COL27A1: variants seen among roughly 807,000 people sequenced by gnomAD.
The protein encoded by COL27A1 is collagen type XXVII alpha 1 chain, also known as collagen alpha-1(XXVII) chain.
Under a neutral mutation model 251.3 loss-of-function variants are expected in COL27A1, and 106 were observed. The ratio of observed to expected loss-of-function variants is 0.42; its 90% confidence interval spans 0.36 to 0.50. The LOEUF (loss-of-function observed/expected upper bound fraction) is 0.50. Ranked by LOEUF, COL27A1 falls within the 20% of genes least tolerant of loss-of-function variation. COL27A1 has a pLI of 0.00. For synonymous variants in COL27A1, 1,000 were observed against 986.3 expected (o/e 1.01, Z -0.26); for missense variants, 2,325 against 2,522.8 (o/e 0.92, Z 1.68).
At chr9:114,219,440 CAG>C (rs1830931741) in intron 12 of COL27A1, among the ~76,000 whole-genome samples, 1 of 152,188 alleles carries the variant, frequency 6.6e-6, no homozygotes, top group Admixed American at 6.5e-5. Flanking sequence ...AGTGGGGAAA[CAG>C]AGGCTCTTAA....
rs10759688 is a variant in COL27A1 at position 114,183,174 on chromosome 9, A to C, written c.2016+99A>C. 0.86 allele frequency: 975,586 copies of C among 1,140,824 alleles called. 418,798 individuals carry two copies. The highest frequency in any genetic ancestry group is 0.97 in the East Asian group (41,115 of 42,332). 70.7% of individuals were successfully genotyped at this position (1,140,824 alleles called of 1,614,324 possible). ...GTGCCTGGTGGGAGGGCTTCAGGGG[A>C]ACTGAGGGGGATTCCCGCCTAAGCC... On this transcript the variant is annotated intron_variant, in intron 5 of 60. Coordinates refer to ENST00000356083, the MANE Select transcript of COL27A1 (RefSeq NM_032888.4).
chr9:114,259,823 T>A (rs1356633338), intron 28 of COL27A1, among the ~76,000 whole-genome samples: 1 of 152,188 alleles, frequency 6.6e-6, no homozygotes, highest in African/African-American at 2.4e-5. Context: ...AGGCCTGATA[T>A]CCAAGCTCCA....
intron 6 of COL27A1, 66 bp downstream of exon 6, chr9:114,194,523 T>A: frequency 2.1e-6 from 3 of 1,397,166 alleles, no homozygotes; most frequent in Non-Finnish European, 3.0e-6. Flanking sequence ...TTGCCACACT[T>A]TAAAGCTAGC....
At chr9:114,242,122 G>C (rs1410804307) in intron 21 of COL27A1, 65 bp from the exon 22 acceptor site, 1 of 1,414,842 alleles carries the variant, frequency 7.1e-7, no homozygotes, top group Non-Finnish European at 9.6e-7. Context: ...TACAGGACAA[G>C]ATCTCTGCAA....
At position 114,167,939 on chromosome 9, in the gene COL27A1, G is replaced by C. The variant is rs1269334177; in HGVS notation, c.384G>C (p.Leu128=). 2 of 1,610,208 alleles carry C rather than the reference G, an allele frequency of 1.2e-6. No individual in the cohort carries two copies. The highest frequency in any genetic ancestry group is 1.7e-6 in the Non-Finnish European group (2 of 1,179,880). The change falls in exon 3 of 61, where the codon CTG becomes CTC. Residue 128 remains leucine (L), a synonymous_variant. Coordinates refer to ENST00000356083, the MANE Select transcript of COL27A1 (RefSeq NM_032888.4). The part of the protein sequence containing the change: ...RSQKRKLQLG[L]QFLPGKTVVH... ...AGAAACGCAAGCTGCAGCTGGGCCT[G>C]CAGTTCCTCCCCGGCAAGACGGTCG... is the stretch of plus-strand genomic sequence containing the variant.
At chr9:114,269,116 A>G in intron 34 of COL27A1, 125 bp from the exon 35 acceptor site, 1 of 558,122 alleles carries the variant, frequency 1.8e-6, no homozygotes, top group Non-Finnish European at 3.2e-6. Flanking sequence ...GGTCCCTGGG[A>G]AGAAGGACCT....
intron 34 of COL27A1, 88 bp from the exon 35 acceptor site, chr9:114,269,153 A>C: frequency 1.2e-6 from 1 of 866,606 alleles, no homozygotes; most frequent in South Asian, 2.0e-5. Flanking sequence ...CCACACCCCA[A>C]AGTCAGAGCT....
chr9:114,185,682 C>A (rs937566850), intron 5 of COL27A1, among the ~76,000 whole-genome samples: 1 of 152,244 alleles, frequency 6.6e-6, no homozygotes, highest in African/African-American at 2.4e-5. Context: ...TATGCTGTCC[C>A]GTCCTCTTCC....
rs1305878930 is a variant in COL27A1 at position 114,275,845 on chromosome 9, G to A, written c.3717+77G>A. ...CTCATGCCTGTGCAGGCGGCTGGGC[G>A]GGAGGGCTTTTGGTCGTGCCACTGA... On this transcript the variant is annotated intron_variant, in intron 37 of 60. Transcript: ENST00000356083. 4.1e-5 allele frequency: 40 copies of A among 972,872 alleles called. 1 individual carries two copies. Among genetic ancestry groups the A allele is most frequent in the Middle Eastern group, 2.5e-4 (1 of 4,018 alleles). 60.3% of individuals were successfully genotyped at this position (972,872 alleles called of 1,614,324 possible).
In COL27A1 at chr9:114,301,537, T is replaced by C. The variant is rs1029884592; in HGVS notation, c.4809+75T>C. The C allele has an allele frequency of 8.3e-6, 13 of 1,561,956 alleles. No homozygotes were observed. The African/African-American group carries it at 1.8e-4, about 21-fold the overall frequency. ...CCTGCATTCTCCTCCCGGTGGTACA[T>C]TCTCTCCCTCCGGACCTCCGTCATC... is the stretch of plus-strand genomic sequence containing the variant. On this transcript the variant is annotated intron_variant, in intron 54 of 60. Transcript: ENST00000356083.
intron 12 of COL27A1, among the ~76,000 whole-genome samples, chr9:114,216,072 A>G (rs997049396): frequency 6.6e-6 from 1 of 152,110 alleles, no homozygotes; most frequent in South Asian, 2.1e-4. Flanking sequence ...CCTGCTTTGG[A>G]TGTGGTGGCG....
At chr9:114,196,336 C>A (rs12555076) in intron 7 of COL27A1, among the ~76,000 whole-genome samples, 1 of 152,210 alleles carries the variant, frequency 6.6e-6, no homozygotes, top group African/African-American at 2.4e-5. Flanking sequence ...ATGGAGTAAC[C>A]TGTGCTGGCC....
chr9:114,181,706 G>A (rs1284496209), intron 4 of COL27A1, among the ~76,000 whole-genome samples: 2 of 152,212 alleles, frequency 1.3e-5, no homozygotes, highest in African/African-American at 4.8e-5. Context: ...GGCCCTTGCT[G>A]GAGAAAGTGG....
rs984108018 is a variant in COL27A1 at position 114,160,321 on chromosome 9, A to AT, written c.63-2387dup. On this transcript the variant is annotated intron_variant, in intron 1 of 60. Coordinates refer to ENST00000356083, the MANE Select transcript of COL27A1 (RefSeq NM_032888.4). ...AGGCGCCCGCCACCACGCCTGGCTA[A>AT]TTTTTTTGTATTTTTGGTAGAGATG... Among the ~76,000 whole-genome samples the AT allele has an allele frequency of 3.0e-4, 46 of 151,806 alleles. 1 individual carries two copies. The highest frequency in any genetic ancestry group is 1.6e-3 in the Admixed American group (25 of 15,244).
At chr9:114,306,427 TCCCAGGTTGTGAGAA>T in intron 57 of COL27A1, 78 bp from the exon 58 acceptor site, 6 of 1,311,128 alleles carry the variant, frequency 4.6e-6, no homozygotes, top group Non-Finnish European at 6.4e-6. Flanking sequence ...CCGAGATACC[TCCCAGGTTGTGAGAA>T]CTGGGGGCTG....
chr9:114,247,370 A>C (rs1383937676), intron 24 of COL27A1, among the ~76,000 whole-genome samples: 1 of 152,192 alleles, frequency 6.6e-6, no homozygotes, highest in East Asian at 1.9e-4. Context: ...ATTCGAGGCA[A>C]ATGCTAAATT....
chr9:114,222,093 C>A, intron 13 of COL27A1, 130 bp from the exon 14 acceptor site: 1 of 721,508 alleles, frequency 1.4e-6, no homozygotes, highest in South Asian at 2.0e-5. Flanking sequence ...TCGCTGGAGC[C>A]TGTGGTCAGG....
In COL27A1 at chr9:114,242,182, T is replaced by C; in HGVS notation, c.2836-5T>C. 1 of 1,602,516 alleles carries C rather than the reference T, an allele frequency of 6.2e-7. No individual in the cohort carries two copies. The highest frequency in any genetic ancestry group is 8.5e-7 in the Non-Finnish European group (1 of 1,175,670). On this transcript the variant is annotated splice_polypyrimidine_tract_variant and splice_region_variant and intron_variant, in intron 21 of 60. Transcript: ENST00000356083. ...TTTTTCCTCTCTCGTGTCTCCCAATTCTAGGGAGATGAGGGACCCATGGGG... is the reference window on the plus strand; with the variant it reads ...TTTTTCCTCTCTCGTGTCTCCCAATCCTAGGGAGATGAGGGACCCATGGGG...
chr9:114,190,196 C>T (rs2135218118), intron 5 of COL27A1, among the ~76,000 whole-genome samples: 1 of 152,328 alleles, frequency 6.6e-6, no homozygotes, highest in South Asian at 2.1e-4. Flanking sequence ...TTCTCTGGGC[C>T]AGGCCCTGTG....
Sources: gnomAD v4.1 joint callset for allele counts (sites outside exome capture counted in the v4.1 genomes callset) on GRCh38, gnomAD v4.1.1 for gene constraint, MANE v1.5 for transcripts, NCBI Gene and HGNC (gene_info 2026-07-23, HGNC 2026-07-21) for gene names.